NRG3: variants seen among roughly 807,000 people sequenced by gnomAD.
NRG3 encodes the protein neuregulin 3.
Under a neutral mutation model 66.9 loss-of-function variants are expected in NRG3, and 31 were observed. The ratio of observed to expected loss-of-function variants is 0.46; its 90% CI spans 0.35 to 0.63. The LOEUF is 0.63. Ranked by LOEUF, NRG3 falls within the 20% of genes least tolerant of loss-of-function variation. The probability of loss-of-function intolerance (pLI) is 0.00; values close to 1 mark genes in which losing one functional copy is unlikely to be tolerated. For missense variants in NRG3, 910 were observed against 878.9 expected, an observed-to-expected ratio of 1.04 and a Z score of -0.45; for synonymous variants, 393 against 359.4, an observed-to-expected ratio of 1.09 and a Z score of -1.06.
intron 1 of NRG3, among the ~76,000 whole-genome samples, chr10:81,965,055 G>A (rs1564696058): frequency 6.6e-6 from 1 of 152,082 alleles, no homozygotes. Flanking sequence ...GCATCATTGG[G>A]CATTAGAACA....
At chr10:82,703,807 C>CT (rs2056083674) in intron 2 of NRG3, among the ~76,000 whole-genome samples, 1 of 152,124 alleles carries the variant, frequency 6.6e-6, no homozygotes, top group African/African-American at 2.4e-5. Context: ...AAGAGACCTT[C>CT]TTTTTGGTCC....
At chr10:82,152,929 A>G (rs778389143) in intron 1 of NRG3, among the ~76,000 whole-genome samples, 3 of 148,154 alleles carry the variant, frequency 2.0e-5, no homozygotes, top group Non-Finnish European at 4.5e-5. Flanking sequence ...TTACTTAATT[A>G]ACAAATAATA....
chr10:82,323,212 G>A (rs1349791968), intron 1 of NRG3, among the ~76,000 whole-genome samples: 2 of 151,068 alleles, frequency 1.3e-5, no homozygotes, highest in African/African-American at 2.4e-5. Context: ...ATCCAAACAT[G>A]TGTACACAAT....
chr10:82,932,626 C>T (rs1923556), intron 4 of NRG3, among the ~76,000 whole-genome samples: 1 of 152,010 alleles, frequency 6.6e-6, no homozygotes, highest in South Asian at 2.1e-4. Flanking sequence ...CAGATGATTC[C>T]GGAAACACTG....
Position 81,887,048 on chromosome 10 carries a change from G to A in NRG3, c.823+10885G>A, listed in dbSNP as rs149993493. Among the ~76,000 whole-genome samples the A allele has an allele frequency of 3.3e-3, 501 of 152,182 alleles. 13 individuals are homozygous for A. The highest frequency in any genetic ancestry group is 0.03 in the Admixed American group (452 of 15,264). The stretch of plus-strand genomic sequence containing the variant: ...AGAAGTTGTTATACTTTTGAAAAAT[G>A]TAAAGAATATACTCCATGAATCAGT... On this transcript the variant is annotated intron_variant, in intron 1 of 8. Coordinates refer to ENST00000372141, the MANE Select transcript of NRG3 (RefSeq NM_001010848.4).
At chr10:82,693,323 T>C (rs2055094812) in intron 2 of NRG3, among the ~76,000 whole-genome samples, 1 of 152,336 alleles carries the variant, frequency 6.6e-6, no homozygotes, top group Admixed American at 6.5e-5. Flanking sequence ...AAGTATTTTA[T>C]TTAATGAATG....
At chr10:82,176,880 G>GACACACACACACACACACACACACAC (rs142443398) in intron 1 of NRG3, among the ~76,000 whole-genome samples, 79 of 146,230 alleles carry the variant, frequency 5.4e-4, no homozygotes, top group Admixed American at 4.7e-3. Context: ...TTTAAAACAA[G>GACACACACACACACACACACACACAC]ACACACACAC....
chr10:82,446,628 C>G lies in NRG3; in HGVS notation c.953+87760C>G, dbSNP rs72829314. Among the ~76,000 whole-genome samples the G allele has an allele frequency of 4.4e-3, 677 of 152,184 alleles. 6 individuals carry two copies. Among genetic ancestry groups the G allele is most frequent in the Non-Finnish European group, 8.0e-3 (546 of 68,008 alleles). On this transcript the variant is annotated intron_variant, in intron 2 of 8. Transcript: ENST00000372141. ...TTGGGGAGAACAACACAGACTGGAT[C>G]CTGTCACGGGGAGGGAGTACGGAGA...
At chr10:82,397,724 G>A (rs540168040) in intron 2 of NRG3, among the ~76,000 whole-genome samples, 1 of 152,252 alleles carries the variant, frequency 6.6e-6, no homozygotes, top group African/African-American at 2.4e-5. Context: ...GAAATATGTG[G>A]TAAGGAGGCT....
intron 1 of NRG3, among the ~76,000 whole-genome samples, chr10:82,159,225 G>A (rs1182893690): frequency 6.6e-6 from 1 of 151,838 alleles, no homozygotes; most frequent in Non-Finnish European, 1.5e-5. Context: ...AAGTAACTAA[G>A]TTTCATATGC....
At chr10:82,870,746 G>A (rs758848167) in intron 4 of NRG3, among the ~76,000 whole-genome samples, 3 of 152,086 alleles carry the variant, frequency 2.0e-5, no homozygotes, top group Non-Finnish European at 4.4e-5. Flanking sequence ...TAAGGTGTCT[G>A]CCAAGGTCTT....
intron 1 of NRG3, among the ~76,000 whole-genome samples, chr10:81,876,387 A>C (rs1841650942): frequency 6.6e-6 from 1 of 152,058 alleles, no homozygotes; most frequent in African/African-American, 2.4e-5. Flanking sequence ...GGAGATTGTC[A>C]GGCTCCACTG....
chr10:81,959,508 T>G (rs1850153236), intron 1 of NRG3, among the ~76,000 whole-genome samples: 5 of 152,188 alleles, frequency 3.3e-5, no homozygotes, highest in Admixed American at 3.3e-4. Flanking sequence ...TTACTGACAA[T>G]TTGTATCTTA....
chr10:81,919,590 T>G (rs926090876), intron 1 of NRG3, among the ~76,000 whole-genome samples: 11 of 152,278 alleles, frequency 7.2e-5, no homozygotes, highest in African/African-American at 2.4e-4. Flanking sequence ...ATTGTGTGTT[T>G]GTATTAAAGA....
At chr10:81,952,818 C>G (rs1410777949) in intron 1 of NRG3, among the ~76,000 whole-genome samples, 1 of 151,762 alleles carries the variant, frequency 6.6e-6, no homozygotes, top group African/African-American at 2.4e-5. Flanking sequence ...GCTATGTTGC[C>G]CAGGGTGGTC....
intron 1 of NRG3, among the ~76,000 whole-genome samples, chr10:82,330,739 C>T (rs1419394981): frequency 3.9e-5 from 6 of 152,134 alleles, no homozygotes; most frequent in Admixed American, 3.9e-4. Context: ...CTAAGTTGGT[C>T]AACATAAATT....
chr10:82,608,026 T>C (rs2048074860), intron 2 of NRG3, among the ~76,000 whole-genome samples: 1 of 152,162 alleles, frequency 6.6e-6, no homozygotes, highest in Non-Finnish European at 1.5e-5. Context: ...GTATTCCTTT[T>C]CTAATGCTCT....
At chr10:82,051,940 C>T (rs569731702) in intron 1 of NRG3, among the ~76,000 whole-genome samples, 1 of 151,950 alleles carries the variant, frequency 6.6e-6, no homozygotes, top group Admixed American at 6.6e-5. Context: ...TGTGAGTTGG[C>T]TTAGCAATGT....
intron 1 of NRG3, among the ~76,000 whole-genome samples, chr10:82,343,928 T>C (rs1249423904): frequency 1.6e-4 from 25 of 152,146 alleles, no homozygotes; most frequent in Admixed American, 1.6e-3. Context: ...AGTCCTGTAA[T>C]TTCCATATGA....
Sources: gnomAD v4.1 joint callset for allele counts (sites outside exome capture counted in the v4.1 genomes callset) on GRCh38, gnomAD v4.1.1 for gene constraint, MANE v1.5 for transcripts, NCBI Gene and HGNC (gene_info 2026-07-23, HGNC 2026-07-21) for gene names.